GAK: variants seen among roughly 807,000 people sequenced by gnomAD.
GAK encodes the protein cyclin-G-associated kinase.
GAK carries 79 observed loss-of-function variants against 143.9 expected under a neutral mutation model. The observed-to-expected ratio is 0.55, with a 90% confidence interval of 0.46 to 0.66. The LOEUF (loss-of-function observed/expected upper bound fraction) is 0.66. Among genes scored for constraint, GAK ranks in the 30% least tolerant of loss-of-function variants. The pLI is 0.00. For synonymous variants in GAK, 881 were observed against 765.5 expected (o/e 1.15, Z -2.49); for missense variants, 1,693 against 1,779.7 (o/e 0.95, Z 0.88).
intron 1 of GAK, among the ~76,000 whole-genome samples, chr4:914,427 C>G (rs1196645769): frequency 9.0e-6 from 1 of 111,130 alleles, no homozygotes; most frequent in African/African-American, 3.7e-5. Flanking sequence ...ACACACACAG[C>G]CCCAGCGTGC....
intron 16 of GAK, 75 bp from the exon 17 acceptor site, chr4:877,282 T>C: frequency 2.0e-6 from 2 of 1,006,996 alleles, no homozygotes; most frequent in Non-Finnish European, 3.1e-6. Context: ...AAAAACAGAA[T>C]GAGAAATTGT....
At position 902,851 on chromosome 4, in the gene GAK, T is replaced by C. The variant is rs185721911; in HGVS notation, c.525+1786A>G. Among the ~76,000 whole-genome samples, 4 of 152,078 alleles carry C rather than the reference T, an allele frequency of 2.6e-5. No homozygotes were observed. The East Asian group carries it at 7.7e-4, about 29-fold the overall frequency. ...CCAACGAACCAAACACACAAGCCAG[T>C]GGAAAATCTTTGAAAAAGGCAAGAA... On this transcript the variant is annotated intron_variant, in intron 5 of 27. Coordinates refer to ENST00000314167, the MANE Select transcript of GAK (RefSeq NM_005255.4).
intron 24 of GAK, among the ~76,000 whole-genome samples, chr4:855,343 A>C (rs1748950753): frequency 6.6e-6 from 1 of 152,180 alleles, no homozygotes; most frequent in Non-Finnish European, 1.5e-5. Context: ...TTCTAAAAAA[A>C]AAAAAGGTGA....
At chr4:882,657 T>G (rs753272031) in intron 14 of GAK, 40 bp downstream of exon 14, 2 of 1,601,808 alleles carry the variant, frequency 1.2e-6, no homozygotes, top group South Asian at 1.1e-5. Context: ...ATAATGAACT[T>G]TGACAGAAGA....
chr4:890,242 C>T (rs573883230), intron 10 of GAK, among the ~76,000 whole-genome samples: 8 of 152,288 alleles, frequency 5.3e-5, no homozygotes, highest in South Asian at 4.1e-4. Context: ...CCTGGTCACT[C>T]GGGCCCGGTC....
intron 18 of GAK, among the ~76,000 whole-genome samples, chr4:871,979 AAC>A (rs954278745): frequency 3.0e-4 from 46 of 152,310 alleles, no homozygotes; most frequent in African/African-American, 9.4e-4. Context: ...ATAAAGAAGA[AAC>A]ACAAAAGAGT....
intron 4 of GAK, among the ~76,000 whole-genome samples, chr4:908,326 A>G (rs889971280): frequency 6.6e-6 from 1 of 152,154 alleles, no homozygotes; most frequent in Admixed American, 6.5e-5. Context: ...CATCCACACC[A>G]GGAAAACCAA....
chr4:850,764 A>G (rs1747989514), intron 26 of GAK, 172 bp downstream of exon 26: 10 of 592,226 alleles, frequency 1.7e-5, no homozygotes, highest in Non-Finnish European at 1.9e-5. Context: ...TGCCAGGCCC[A>G]TCGGCAGTGA....
chr4:870,675 G>A (rs371050759), intron 19 of GAK, 36 bp downstream of exon 19: 2 of 1,604,110 alleles, frequency 1.2e-6, no homozygotes, highest in South Asian at 2.2e-5. Flanking sequence ...ACACTCACCA[G>A]AACAGGGTTC....
At position 901,069 on chromosome 4, in the gene GAK, G is replaced by A. The variant is rs151088167; in HGVS notation, c.526-2911C>T. 7.2e-5 allele frequency among the ~76,000 whole-genome samples: 11 copies of A among 152,348 alleles called. No individual in the cohort carries two copies. In the East Asian group the frequency reaches 1.5e-3, roughly 21 times the overall value. ...ACACTTACCCATTTTCAAAATCTAC[G>A]TGAAGACACCTGTGCTATAAAGTAG... On this transcript the variant is annotated intron_variant, in intron 5 of 27. Coordinates refer to ENST00000314167, the MANE Select transcript of GAK (RefSeq NM_005255.4).
At chr4:912,846 C>A in intron 2 of GAK, 52 bp from the exon 3 acceptor site, 1 of 1,516,084 alleles carries the variant, frequency 6.6e-7, no homozygotes, top group Non-Finnish European at 9.1e-7. Context: ...TACCTTCCTA[C>A]TCCACCCGAT....
intron 5 of GAK, among the ~76,000 whole-genome samples, chr4:903,263 T>G (rs903177304): frequency 6.6e-6 from 1 of 152,190 alleles, no homozygotes; most frequent in South Asian, 2.1e-4. Context: ...CATGCCCACA[T>G]CACGCCAACC....
chr4:862,889 C>T (rs1011753760), intron 23 of GAK, among the ~76,000 whole-genome samples: 11 of 152,236 alleles, frequency 7.2e-5, no homozygotes, highest in African/African-American at 1.9e-4. Flanking sequence ...CAGACAGTCA[C>T]GCTGCTTTCA....
chr4:917,036 C>A (rs1723178552), intron 1 of GAK, among the ~76,000 whole-genome samples: 1 of 152,210 alleles, frequency 6.6e-6, no homozygotes, highest in African/African-American at 2.4e-5. Context: ...ATGAATAACA[C>A]ACGAAAAGGC....
chr4:883,674 G>A (rs915910142), intron 12 of GAK, among the ~76,000 whole-genome samples: 6 of 152,228 alleles, frequency 3.9e-5, no homozygotes, highest in African/African-American at 9.6e-5. Flanking sequence ...CCCATCAGCC[G>A]GTGGCTGGGA....
chr4:907,646 T>C (rs943107017), intron 4 of GAK, among the ~76,000 whole-genome samples: 8 of 152,340 alleles, frequency 5.3e-5, no homozygotes, highest in Admixed American at 1.3e-4. Flanking sequence ...CAGAGGACAC[T>C]GGAGGGGTTG....
intron 24 of GAK, among the ~76,000 whole-genome samples, chr4:854,676 G>A (rs1330279703): frequency 2.0e-5 from 3 of 152,228 alleles, no homozygotes; most frequent in Non-Finnish European, 4.4e-5. Context: ...TCGCCGCAAT[G>A]TTGATTTGTG....
intron 3 of GAK, 95 bp downstream of exon 3, chr4:912,640 C>T (rs536436549): frequency 5.1e-5 from 48 of 940,124 alleles, no homozygotes; most frequent in Non-Finnish European, 6.6e-5. Context: ...GACAACGTCA[C>T]GGAGCAGCCT....
At chr4:868,882 C>T in intron 19 of GAK, 197 bp from the exon 20 acceptor site, 1 of 600,374 alleles carries the variant, frequency 1.7e-6, no homozygotes, top group African/African-American at 1.9e-5. Flanking sequence ...CCACTCTGGG[C>T]CATGCGTGCA....
Sources: allele counts gnomAD v4.1 joint callset (sites outside exome capture counted in the v4.1 genomes callset), GRCh38; gene constraint gnomAD v4.1.1; transcripts MANE v1.5; gene names NCBI Gene and HGNC (gene_info 2026-07-23, HGNC 2026-07-21).